PTPRM: variants seen among roughly 807,000 people sequenced by gnomAD.
The protein encoded by PTPRM is receptor-type tyrosine-protein phosphatase mu.
A neutral mutation model predicts 186.7 loss-of-function variants in PTPRM; 47 were observed. The ratio of observed to expected loss-of-function variants is 0.25; its 90% CI spans 0.20 to 0.32. The LOEUF (loss-of-function observed/expected upper bound fraction) is 0.32, where lower values mean the gene tolerates loss of function less well. Among genes scored for constraint, PTPRM ranks in the 10% least tolerant of loss-of-function variants. The pLI is 1.00. For missense variants in PTPRM, 1,494 were observed against 1,865.0 expected, an observed-to-expected ratio of 0.80 and a Z score of 3.66; for synonymous variants, 668 against 674.9, an observed-to-expected ratio of 0.99 and a Z score of 0.16.
Position 7,717,017 on chromosome 18 carries a change from A to G in PTPRM, c.74-57132A>G, listed in dbSNP as rs1243726122. ...CATTCTACTATAAAGACACATGCAC[A>G]CATATGTTTATTGCAGCACTGTTCA... On this transcript the variant is annotated intron_variant, in intron 1 of 32. Transcript: ENST00000580170. 5.9e-5 allele frequency among the ~76,000 whole-genome samples: 9 copies of G among 152,214 alleles called. No individual in the cohort carries two copies. In the East Asian group the frequency reaches 1.7e-3, roughly 29 times the overall value.
At chr18:8,234,798 G>C (rs1176306899) in intron 14 of PTPRM, among the ~76,000 whole-genome samples, 15 of 151,906 alleles carry the variant, frequency 9.9e-5, no homozygotes, top group Admixed American at 9.8e-4. Flanking sequence ...ATCAAGACTG[G>C]GTATTGGATT....
chr18:7,921,269 T>C (rs1368247965), intron 4 of PTPRM, among the ~76,000 whole-genome samples: 2 of 152,152 alleles, frequency 1.3e-5, no homozygotes, highest in Admixed American at 1.3e-4. Flanking sequence ...ATCTTTTTCC[T>C]TTTCATTTTT....
intron 1 of PTPRM, among the ~76,000 whole-genome samples, chr18:7,684,635 A>G (rs2039557340): frequency 6.6e-6 from 1 of 152,216 alleles, no homozygotes. Flanking sequence ...ACTTAACAAA[A>G]TGTCCCCAAG....
chr18:7,640,788 T>C (rs2038425657), intron 1 of PTPRM, among the ~76,000 whole-genome samples: 1 of 152,152 alleles, frequency 6.6e-6, no homozygotes, highest in Admixed American at 6.5e-5. Flanking sequence ...TGTAGTAGGA[T>C]AGTTGGATTA....
intron 13 of PTPRM, among the ~76,000 whole-genome samples, chr18:8,131,196 A>G (rs2092496349): frequency 6.6e-6 from 1 of 152,186 alleles, no homozygotes. Flanking sequence ...TATGTAGGGT[A>G]TTATTTACTT....
intron 7 of PTPRM, among the ~76,000 whole-genome samples, chr18:8,059,303 T>A (rs1231420430): frequency 1.5e-5 from 1 of 68,328 alleles, no homozygotes; most frequent in East Asian, 3.9e-4. Context: ...TACATTGATT[T>A]TGTATCCTGA....
At chr18:8,322,736 A>C (rs530433808) in intron 22 of PTPRM, among the ~76,000 whole-genome samples, 5 of 152,182 alleles carry the variant, frequency 3.3e-5, no homozygotes, top group Admixed American at 1.3e-4. Context: ...GGATGAAGCC[A>C]CACACATAAG....
intron 14 of PTPRM, among the ~76,000 whole-genome samples, chr18:8,235,579 C>A (rs964261133): frequency 4.4e-5 from 6 of 137,176 alleles, no homozygotes; most frequent in Admixed American, 1.5e-4. Context: ...TCATTGATTT[C>A]TGCACTAATT....
chr18:8,240,677 GAAA>G (rs869202663), intron 14 of PTPRM, among the ~76,000 whole-genome samples: 2 of 80,050 alleles, frequency 2.5e-5, no homozygotes, highest in African/African-American at 1.1e-4. Context: ...AAGAAAGAAA[GAAA>G]AAGAAAGAGA....
chr18:7,826,679 C>T (rs900742493), intron 2 of PTPRM, among the ~76,000 whole-genome samples: 3 of 152,028 alleles, frequency 2.0e-5, no homozygotes, highest in African/African-American at 7.2e-5. Context: ...TGGAAAATAC[C>T]GAAATTTATC....
At chr18:7,912,498 A>G (rs1389916643) in intron 4 of PTPRM, among the ~76,000 whole-genome samples, 3 of 151,808 alleles carry the variant, frequency 2.0e-5, no homozygotes, top group African/African-American at 4.8e-5. Flanking sequence ...TGTTTTGGCT[A>G]TTCTGAATCC....
At chr18:8,103,260 G>A (rs1041913446) in intron 11 of PTPRM, among the ~76,000 whole-genome samples, 1 of 152,166 alleles carries the variant, frequency 6.6e-6, no homozygotes, top group African/African-American at 2.4e-5. Flanking sequence ...TTTGACACCA[G>A]ACATTGACTT....
At chr18:7,907,270 G>A (rs528546689) in intron 4 of PTPRM, among the ~76,000 whole-genome samples, 1 of 152,316 alleles carries the variant, frequency 6.6e-6, no homozygotes, top group East Asian at 1.9e-4. Flanking sequence ...TGAGCTGGTT[G>A]TTGCACCTGT....
intron 2 of PTPRM, among the ~76,000 whole-genome samples, chr18:7,798,389 C>T (rs375927278): frequency 0.039 from 5,868 of 151,902 alleles, 176 homozygotes; most frequent in African/African-American, 0.091. Context: ...ATTAGCTGGG[C>T]GTGGTGGCAG....
At chr18:8,226,585 T>G (rs575725399) in intron 14 of PTPRM, among the ~76,000 whole-genome samples, 1 of 152,304 alleles carries the variant, frequency 6.6e-6, no homozygotes, top group African/African-American at 2.4e-5. Flanking sequence ...AGATGGGTGT[T>G]TTAGAAAAGC....
At chr18:7,989,367 A>G (rs1025135105) in intron 7 of PTPRM, among the ~76,000 whole-genome samples, 5 of 152,282 alleles carry the variant, frequency 3.3e-5, no homozygotes, top group Middle Eastern at 3.4e-3. Context: ...CCAAACCACC[A>G]TCTTGGTTCA....
At chr18:8,120,444 T>C (rs2092125279) in intron 13 of PTPRM, among the ~76,000 whole-genome samples, 2 of 151,910 alleles carry the variant, frequency 1.3e-5, no homozygotes, top group Non-Finnish European at 2.9e-5. Flanking sequence ...GTTTACCTTT[T>C]TGGATATTAG....
intron 1 of PTPRM, among the ~76,000 whole-genome samples, chr18:7,593,381 C>T (rs2143653122): frequency 6.6e-6 from 1 of 152,304 alleles, no homozygotes; most frequent in South Asian, 2.1e-4. Flanking sequence ...AGGCAGCATT[C>T]ACAATAAAGC....
chr18:7,827,041 G>T (rs940846540), intron 2 of PTPRM, among the ~76,000 whole-genome samples: 2 of 152,222 alleles, frequency 1.3e-5, no homozygotes, highest in Non-Finnish European at 2.9e-5. Context: ...GGTCGAGGCT[G>T]CAGTGAGCTG....
Sources: allele counts gnomAD v4.1 joint callset (sites outside exome capture counted in the v4.1 genomes callset), GRCh38; gene constraint gnomAD v4.1.1; transcripts MANE v1.5; gene names NCBI Gene and HGNC (gene_info 2026-07-23, HGNC 2026-07-21).